The following NIBAN1 variants were observed in gnomAD, a reference collection of about 807,000 sequenced individuals.
NIBAN1 encodes protein Niban 1.
In NIBAN1, 81 loss-of-function variants were observed where a neutral mutation model predicts 75.1. The observed-to-expected ratio is 1.08, with a 90% CI of 0.90 to 1.30. The LOEUF (loss-of-function observed/expected upper bound fraction) is 1.30. NIBAN1 is among the 50% of genes most tolerant of loss of function. The pLI, the probability that NIBAN1 is intolerant of heterozygous loss-of-function variation, is 0.00. For missense variants in NIBAN1, 1,133 were observed against 1,128.1 expected, an observed-to-expected ratio of 1.00 and a Z score of -0.06; for synonymous variants, 436 against 424.8, an observed-to-expected ratio of 1.03 and a Z score of -0.32.
chr1:184,969,004 G>A (rs74883960), intron 1 of NIBAN1, among the ~76,000 whole-genome samples: 2,193 of 152,280 alleles, frequency 0.014, 47 homozygotes, highest in African/African-American at 0.047. Context: ...AGACTTGGAC[G>A]AAGATGGTCA....
intron 8 of NIBAN1, 87 bp downstream of exon 8, chr1:184,823,080 C>T (rs1204720073): frequency 2.0e-6 from 3 of 1,466,692 alleles, no homozygotes; most frequent in Admixed American, 3.8e-5. Flanking sequence ...TGTAATTATC[C>T]TCTGAAACCA....
chr1:184,806,871 C>T (rs1018133664), intron 10 of NIBAN1, among the ~76,000 whole-genome samples: 7 of 150,122 alleles, frequency 4.7e-5, no homozygotes, highest in Non-Finnish European at 7.4e-5. Context: ...AGGGTTCAAG[C>T]GAGTCTCGTG....
chr1:184,956,676 A>G (rs184999068), intron 1 of NIBAN1, among the ~76,000 whole-genome samples: 3 of 152,362 alleles, frequency 2.0e-5, no homozygotes, highest in African/African-American at 7.2e-5. Flanking sequence ...TTTGATAACT[A>G]CAGTTCAATA....
chr1:184,854,627 G>A (rs1242701448), intron 5 of NIBAN1, among the ~76,000 whole-genome samples: 1 of 152,160 alleles, frequency 6.6e-6, no homozygotes, highest in African/African-American at 2.4e-5. Flanking sequence ...GCTCAGTTTG[G>A]TAGAAAACTG....
At chr1:184,858,420 A>C (rs78980470) in intron 5 of NIBAN1, among the ~76,000 whole-genome samples, 400 of 152,364 alleles carry the variant, frequency 2.6e-3, no homozygotes, top group African/African-American at 9.2e-3. Flanking sequence ...ATGAAAGTGC[A>C]TCTAAATGGC....
intron 5 of NIBAN1, among the ~76,000 whole-genome samples, chr1:184,842,524 C>T (rs1305514032): frequency 3.9e-5 from 6 of 152,146 alleles, no homozygotes; most frequent in African/African-American, 1.4e-4. Context: ...GAGGCCGAGG[C>T]AGGCGGATTA....
rs564749221 is a variant in NIBAN1, at chr1:184,844,591, C to T, written c.602-12629G>A. On this transcript the variant is annotated intron_variant, in intron 5 of 13. Coordinates refer to ENST00000367511, the MANE Select transcript of NIBAN1 (RefSeq NM_052966.4). ...TGCCCAAGGTCATATGAATAAATAACTCATTTTATCAGGTCGGAAAATAAG... is the reference window on the plus strand; with the variant it reads ...TGCCCAAGGTCATATGAATAAATAATTCATTTTATCAGGTCGGAAAATAAG... Among the ~76,000 whole-genome samples, 25 of 152,298 alleles carry T rather than the reference C, an allele frequency of 1.6e-4. No homozygotes were observed. In the South Asian group the frequency reaches 5.0e-3, roughly 30 times the overall value.
chr1:184,953,323 GAATC>G (rs2102066986), intron 1 of NIBAN1, among the ~76,000 whole-genome samples: 1 of 152,290 alleles, frequency 6.6e-6, no homozygotes, highest in South Asian at 2.1e-4. Context: ...ATGCCCTACT[GAATC>G]AAGAAAGCTA....
intron 5 of NIBAN1, among the ~76,000 whole-genome samples, chr1:184,874,208 A>C (rs1030030845): frequency 1.3e-5 from 2 of 152,042 alleles, no homozygotes; most frequent in African/African-American, 2.4e-5. Context: ...CTAATAATAA[A>C]GTTTTAATAA....
chr1:184,798,726 G>A (rs990909867), intron 12 of NIBAN1, among the ~76,000 whole-genome samples: 1 of 152,156 alleles, frequency 6.6e-6, no homozygotes, highest in East Asian at 1.9e-4. Context: ...CCAGATCAAG[G>A]AGAACATTTC....
intron 12 of NIBAN1, among the ~76,000 whole-genome samples, chr1:184,802,913 G>A (rs1000119292): frequency 6.6e-6 from 1 of 152,174 alleles, no homozygotes; most frequent in Non-Finnish European, 1.5e-5. Context: ...CCTCGGCTCA[G>A]TGGCTTAACC....
At chr1:184,962,474 A>G (rs1658674643) in intron 1 of NIBAN1, among the ~76,000 whole-genome samples, 1 of 152,214 alleles carries the variant, frequency 6.6e-6, no homozygotes, top group South Asian at 2.1e-4. Flanking sequence ...ATAAACTAAA[A>G]AAGTCCAGAA....
chr1:184,803,763 AGC>A (rs1654113555), intron 11 of NIBAN1, 71 bp from the exon 12 acceptor site: 1 of 1,336,556 alleles, frequency 7.5e-7, no homozygotes, highest in Admixed American at 1.7e-5. Context: ...CAAAAAACTC[AGC>A]CACCCACTTC....
chr1:184,910,733 G>GT (rs1657219512), intron 1 of NIBAN1, among the ~76,000 whole-genome samples: 1 of 152,192 alleles, frequency 6.6e-6, no homozygotes, highest in African/African-American at 2.4e-5. Context: ...TGGTGAGGGT[G>GT]TTTCAGGAAG....
At chr1:184,955,403 C>G (rs1658463801) in intron 1 of NIBAN1, among the ~76,000 whole-genome samples, 1 of 130,052 alleles carries the variant, frequency 7.7e-6, no homozygotes, top group African/African-American at 2.8e-5. Context: ...GCTCTGTCAC[C>G]AGGCTGGAGT....
chr1:184,796,933 C>A (rs1398873174), intron 13 of NIBAN1, among the ~76,000 whole-genome samples: 1 of 152,194 alleles, frequency 6.6e-6, no homozygotes, highest in Non-Finnish European at 1.5e-5. Context: ...TGGCAGTGGC[C>A]TTGACCGAGC....
chr1:184,888,026 T>G (rs1232553025), intron 4 of NIBAN1: 1 of 152,138 alleles, frequency 6.6e-6, no homozygotes, highest in East Asian at 1.9e-4. Context: ...TGTTTGTTTT[T>G]TTGCTTGTTT....
intron 5 of NIBAN1, among the ~76,000 whole-genome samples, chr1:184,839,730 G>A (rs1342059785): frequency 6.6e-6 from 1 of 151,918 alleles, no homozygotes. Context: ...TGAGTAGCTG[G>A]GATTACAGGT....
At chr1:184,895,699 C>T (rs956720409) in intron 2 of NIBAN1, among the ~76,000 whole-genome samples, 2 of 152,124 alleles carry the variant, frequency 1.3e-5, no homozygotes, top group African/African-American at 4.8e-5. Flanking sequence ...TTTTTCAACC[C>T]TTACTCCCCT....
Sources: allele counts gnomAD v4.1 joint callset (sites outside exome capture counted in the v4.1 genomes callset), GRCh38; gene constraint gnomAD v4.1.1; transcripts MANE v1.5; gene names NCBI Gene and HGNC (gene_info 2026-07-23, HGNC 2026-07-21).